The following DOK6 variants were observed in gnomAD, a reference collection of about 807,000 sequenced individuals.
The protein encoded by DOK6 is docking protein 6, also known as downstream of tyrosine kinase 6.
A neutral mutation model predicts 44.0 loss-of-function variants in DOK6; 22 were observed. The ratio of observed to expected loss-of-function variants is 0.50; its 90% CI spans 0.36 to 0.71. DOK6 has a LOEUF of 0.71. Ranked by LOEUF, DOK6 falls within the 30% of genes least tolerant of loss-of-function variation. DOK6 has a pLI of 0.00. For missense variants in DOK6, 340 were observed against 416.4 expected, an observed-to-expected ratio of 0.82 and a Z score of 1.60; for synonymous variants, 166 against 145.5, an observed-to-expected ratio of 1.14 and a Z score of -1.01.
intron 5 of DOK6, among the ~76,000 whole-genome samples, chr18:69,737,264 A>G (rs1054194333): frequency 1.3e-5 from 2 of 152,226 alleles, no homozygotes; most frequent in Non-Finnish European, 2.9e-5. Flanking sequence ...CAGGAAACTT[A>G]CCATCATGGC....
chr18:69,422,973 T>C (rs1978535985), intron 1 of DOK6, among the ~76,000 whole-genome samples: 1 of 152,132 alleles, frequency 6.6e-6, no homozygotes, highest in African/African-American at 2.4e-5. Flanking sequence ...CACTACTATA[T>C]TTTAGAAAGT....
chr18:69,476,537 T>G (rs192028590), intron 1 of DOK6, among the ~76,000 whole-genome samples: 1 of 151,758 alleles, frequency 6.6e-6, no homozygotes, highest in East Asian at 2.0e-4. Flanking sequence ...GAAGCCTTAC[T>G]CTGGACAAGG....
chr18:69,594,824 T>TA (rs1409383185), intron 2 of DOK6, among the ~76,000 whole-genome samples: 2 of 151,578 alleles, frequency 1.3e-5, no homozygotes, highest in Non-Finnish European at 2.9e-5. Context: ...CTCTGTCTCT[T>TA]ACGTGAAAAA....
At chr18:69,574,766 GT>G in intron 2 of DOK6, among the ~76,000 whole-genome samples, 1 of 152,000 alleles carries the variant, frequency 6.6e-6, no homozygotes. Context: ...GGGTTAAAAT[GT>G]TTTTTGTCAT....
intron 1 of DOK6, among the ~76,000 whole-genome samples, chr18:69,563,804 A>T (rs1244390108): frequency 1.3e-5 from 2 of 152,000 alleles, no homozygotes; most frequent in Admixed American, 6.6e-5. Context: ...AGTATAATAA[A>T]AAAAAAAAGA....
chr18:69,621,606 T>C (rs1034302913), intron 3 of DOK6, among the ~76,000 whole-genome samples: 1 of 152,046 alleles, frequency 6.6e-6, no homozygotes, highest in Non-Finnish European at 1.5e-5. Flanking sequence ...GAGGCCATGG[T>C]GGTGATTGAA....
chr18:69,421,640 C>A (rs1490058506), intron 1 of DOK6, among the ~76,000 whole-genome samples: 1 of 152,164 alleles, frequency 6.6e-6, no homozygotes, highest in Non-Finnish European at 1.5e-5. Flanking sequence ...TTAATTTCAC[C>A]TCTTTGGGGA....
chr18:69,610,130 T>C (rs888567564), intron 3 of DOK6, among the ~76,000 whole-genome samples: 1 of 152,198 alleles, frequency 6.6e-6, no homozygotes, highest in Non-Finnish European at 1.5e-5. Flanking sequence ...TTTAAAAATC[T>C]GTTAAGAAGG....
At chr18:69,564,690 T>G in intron 2 of DOK6, 96 bp downstream of exon 2, 1 of 962,492 alleles carries the variant, frequency 1.0e-6, no homozygotes, top group Non-Finnish European at 1.5e-6. Context: ...GTGGCAAAAA[T>G]TAATGGCTTG....
At position 69,842,327 on chromosome 18, in the gene DOK6, T is replaced by TC. The variant is rs1982249268; in HGVS notation, c.*947dup. Reference sequence around the variant, plus strand: ...GTTTCCTTGTTGCTGACAATGTTGCTCCCTGTGGCCATCCATCTGAGCTAC... The same window carrying TC: ...GTTTCCTTGTTGCTGACAATGTTGCTCCCCTGTGGCCATCCATCTGAGCTAC... On this transcript the variant is annotated 3_prime_UTR_variant, in exon 8 of 8. Transcript: ENST00000382713. 6.6e-6 allele frequency: 1 copy of TC among 152,158 alleles called. No homozygotes were observed. Among genetic ancestry groups the TC allele is most frequent in the Non-Finnish European group, 1.5e-5 (1 of 68,046 alleles). 9.4% of individuals were successfully genotyped at this position (152,158 alleles called of 1,614,324 possible). A position where few individuals can be genotyped will look rare whatever the true frequency, so the allele number is the denominator to read the frequency against.
At chr18:69,634,418 TG>T (rs1159728237) in intron 3 of DOK6, among the ~76,000 whole-genome samples, 1 of 152,190 alleles carries the variant, frequency 6.6e-6, no homozygotes, top group Non-Finnish European at 1.5e-5. Context: ...AAATAAGAGT[TG>T]TCAAGATACT....
intron 5 of DOK6, among the ~76,000 whole-genome samples, chr18:69,705,949 C>T (rs1332834424): frequency 1.3e-5 from 2 of 151,534 alleles, no homozygotes; most frequent in Non-Finnish European, 2.9e-5. Flanking sequence ...ATTATTTCTG[C>T]TAAGAAACTG....
At chr18:69,633,858 C>A (rs1381249337) in intron 3 of DOK6, among the ~76,000 whole-genome samples, 1 of 152,074 alleles carries the variant, frequency 6.6e-6, no homozygotes, top group African/African-American at 2.4e-5. Context: ...AAGTCCTGTA[C>A]TAAGTACCGA....
At chr18:69,446,923 A>G (rs1979311916) in intron 1 of DOK6, among the ~76,000 whole-genome samples, 1 of 151,986 alleles carries the variant, frequency 6.6e-6, no homozygotes, top group African/African-American at 2.4e-5. Flanking sequence ...TTTCTTGTAA[A>G]TTTGTTTGAG....
intron 1 of DOK6, among the ~76,000 whole-genome samples, chr18:69,406,800 G>A (rs1458681942): frequency 6.6e-6 from 1 of 152,168 alleles, no homozygotes; most frequent in Non-Finnish European, 1.5e-5. Flanking sequence ...ATTAGTTTAG[G>A]CTGGGTGCGG....
chr18:69,739,161 T>C (rs1568111726), intron 6 of DOK6, 58 bp downstream of exon 6: 1 of 1,600,364 alleles, frequency 6.2e-7, no homozygotes, highest in Non-Finnish European at 8.5e-7. Flanking sequence ...TGGGATCTGA[T>C]GTACACTGTG....
chr18:69,579,890 T>G (rs1182707579), intron 2 of DOK6, among the ~76,000 whole-genome samples: 1 of 152,190 alleles, frequency 6.6e-6, no homozygotes, highest in East Asian at 1.9e-4. Context: ...CCCAAATTGC[T>G]GGGATTACAG....
At chr18:69,832,108 C>T (rs1179295159) in intron 7 of DOK6, among the ~76,000 whole-genome samples, 2 of 152,044 alleles carry the variant, frequency 1.3e-5, no homozygotes, top group Non-Finnish European at 2.9e-5. Flanking sequence ...TGTTTTGTTC[C>T]AGTTCTTAGT....
At chr18:69,639,494 T>C (rs898888920) in intron 3 of DOK6, among the ~76,000 whole-genome samples, 2 of 152,206 alleles carry the variant, frequency 1.3e-5, no homozygotes, top group Non-Finnish European at 2.9e-5. Flanking sequence ...TTCCCAGTTT[T>C]CCTTTTCATA....
Sources: gnomAD v4.1 joint callset for allele counts (sites outside exome capture counted in the v4.1 genomes callset) on GRCh38, gnomAD v4.1.1 for gene constraint, MANE v1.5 for transcripts, NCBI Gene and HGNC (gene_info 2026-07-23, HGNC 2026-07-21) for gene names.